The following GMDS variants were observed in gnomAD, a reference collection of about 807,000 sequenced individuals.
The protein encoded by GMDS is GDP-mannose 4,6 dehydratase.
In GMDS, 20 loss-of-function variants were observed where a neutral mutation model predicts 49.9. That is an observed-to-expected ratio of 0.40 (90% CI 0.28 to 0.58). GMDS has a LOEUF of 0.58. Among genes scored for constraint, GMDS ranks in the 20% least tolerant of loss-of-function variants. The pLI is 0.42. For synonymous variants in GMDS, 177 were observed against 178.6 expected, an observed-to-expected ratio of 0.99 and a Z score of 0.07; for missense variants, 362 against 481.4, an observed-to-expected ratio of 0.75 and a Z score of 2.32.
In GMDS at chr6:2,126,282, C is replaced by T. The variant is rs140215518; in HGVS notation, c.103-1551G>A. 8.5e-5 allele frequency among the ~76,000 whole-genome samples: 13 copies of T among 152,226 alleles called. No homozygotes were observed. The South Asian group carries it at 1.0e-3, about 12-fold the overall frequency. ...AGGGTCCCCATCCATCTCATTCAGACGAAAAGATAAAAATGGGAAGCTCCA... is the reference window on the plus strand; with the variant it reads ...AGGGTCCCCATCCATCTCATTCAGATGAAAAGATAAAAATGGGAAGCTCCA... On this transcript the variant is annotated intron_variant, in intron 1 of 10. Transcript: ENST00000380815.
chr6:2,175,910 T>C (rs1778262329), intron 1 of GMDS: 1 of 1,196,420 alleles, frequency 8.4e-7, no homozygotes, highest in Admixed American at 2.0e-5. Flanking sequence ...CCCCATTTTA[T>C]AAGGTAATAC....
chr6:2,059,828 G>T (rs1002348634), intron 4 of GMDS, among the ~76,000 whole-genome samples: 5 of 150,830 alleles, frequency 3.3e-5, no homozygotes, highest in African/African-American at 4.9e-5. Flanking sequence ...TTCTGACAGG[G>T]CGAAGCTCAG....
At chr6:1,676,090 G>A (rs891805277) in intron 9 of GMDS, among the ~76,000 whole-genome samples, 1 of 152,142 alleles carries the variant, frequency 6.6e-6, no homozygotes, top group African/African-American at 2.4e-5. Flanking sequence ...AAAGTCTCAG[G>A]ATACAAAATC....
chr6:1,811,938 C>T (rs1163951255), intron 7 of GMDS, among the ~76,000 whole-genome samples: 1 of 152,134 alleles, frequency 6.6e-6, no homozygotes, highest in Non-Finnish European at 1.5e-5. Context: ...ATTCATTTAA[C>T]CAATGTTCAT....
At chr6:1,805,674 C>T (rs1446525136) in intron 7 of GMDS, among the ~76,000 whole-genome samples, 1 of 152,144 alleles carries the variant, frequency 6.6e-6, no homozygotes, top group Non-Finnish European at 1.5e-5. Context: ...TGCCACTTTA[C>T]TAATATTTTT....
At chr6:1,954,818 T>C (rs1227558662) in intron 6 of GMDS, among the ~76,000 whole-genome samples, 1 of 152,160 alleles carries the variant, frequency 6.6e-6, no homozygotes, top group Non-Finnish European at 1.5e-5. Context: ...TGGCCTAATT[T>C]CAATATTGTT....
chr6:2,117,905 G>C (rs1032474623), intron 2 of GMDS, among the ~76,000 whole-genome samples: 1 of 152,098 alleles, frequency 6.6e-6, no homozygotes, highest in South Asian at 2.1e-4. Context: ...CAGACCATTC[G>C]AGGCCGTGTC....
chr6:1,853,426 G>A lies in GMDS; in HGVS notation c.771+76677C>T, dbSNP rs1036596544. On this transcript the variant is annotated intron_variant, in intron 7 of 10. Transcript: ENST00000380815. ...CCAGCTACTGGGGAGGCTGAGGCAG[G>A]AGAATGGCGTGAACCCGGGAGGCGG... Among the ~76,000 whole-genome samples, 48 of 144,422 alleles carry A rather than the reference G, an allele frequency of 3.3e-4. 4 individuals carry two copies. Among genetic ancestry groups the A allele is most frequent in the African/African-American group, 1.3e-3 (47 of 34,830 alleles). 94.7% of individuals were successfully genotyped at this position (144,422 alleles called of 152,430 possible). A position where few individuals can be genotyped will look rare whatever the true frequency, so the allele number is the denominator to read the frequency against.
chr6:2,065,234 A>G (rs1269037044), intron 4 of GMDS, among the ~76,000 whole-genome samples: 3 of 149,536 alleles, frequency 2.0e-5, no homozygotes, highest in Non-Finnish European at 4.5e-5. Context: ...AGGGAAAACT[A>G]ACAAACTGAA....
At chr6:2,017,324 CCT>C (rs910785147) in intron 4 of GMDS, among the ~76,000 whole-genome samples, 3 of 151,442 alleles carry the variant, frequency 2.0e-5, no homozygotes, top group East Asian at 1.9e-4. Context: ...TTTTTTTCCC[CCT>C]GAGACAGAGT....
intron 7 of GMDS, among the ~76,000 whole-genome samples, chr6:1,854,092 G>T (rs1417035095): frequency 7.2e-5 from 11 of 152,144 alleles, no homozygotes; most frequent in Non-Finnish European, 1.6e-4. Flanking sequence ...AATATCTCAG[G>T]TGTAAAAATT....
chr6:2,224,152 A>T (rs1254087919), intron 1 of GMDS, among the ~76,000 whole-genome samples: 1 of 152,228 alleles, frequency 6.6e-6, no homozygotes, highest in East Asian at 1.9e-4. Flanking sequence ...TGGGGAAAGC[A>T]ACCAAATATA....
intron 4 of GMDS, among the ~76,000 whole-genome samples, chr6:2,035,876 G>A (rs752495413): frequency 6.6e-5 from 10 of 151,972 alleles, no homozygotes; most frequent in Non-Finnish European, 1.5e-4. Flanking sequence ...TAGTAAAAAC[G>A]GGGTTTCACC....
intron 7 of GMDS, among the ~76,000 whole-genome samples, chr6:1,799,723 T>C (rs549748759): frequency 6.6e-6 from 1 of 152,284 alleles, no homozygotes; most frequent in African/African-American, 2.4e-5. Context: ...TATATGCATA[T>C]GCTACCCATT....
chr6:1,804,706 C>A (rs226461), intron 7 of GMDS, among the ~76,000 whole-genome samples: 7,652 of 151,984 alleles, frequency 0.05, 629 homozygotes, highest in African/African-American at 0.17. Flanking sequence ...AAACTCACTT[C>A]GAATCCTTAT....
intron 9 of GMDS, among the ~76,000 whole-genome samples, chr6:1,716,619 G>A (rs1581500265): frequency 6.6e-6 from 1 of 152,122 alleles, no homozygotes; most frequent in East Asian, 1.9e-4. Context: ...GCCAGGGCAG[G>A]GTGTGGTGAT....
chr6:1,624,211 C>T lies in GMDS; in HGVS notation c.1077G>A (p.Val359=), dbSNP rs1233267787. Residue 359 remains valine, a synonymous_variant, in exon 11 of 11, where the codon GTG becomes GTA. Transcript: ENST00000380815. Reference sequence around the variant, plus strand: ...TCCTCATGAGCTCCACGTCGGCGTGCACCATCTCCCTCACCAGCTCCTGCA... The same window carrying T: ...TCCTCATGAGCTCCACGTCGGCGTGTACCATCTCCCTCACCAGCTCCTGCA... ...VAFDELVREM[V]HADVELMRTN... The T allele has an allele frequency of 1.9e-6, 3 of 1,611,150 alleles. No homozygotes were observed. Among genetic ancestry groups the T allele is most frequent in the Admixed American group, 1.7e-5 (1 of 60,020 alleles).
chr6:1,729,992 G>A (rs879414177), intron 8 of GMDS, among the ~76,000 whole-genome samples: 3 of 151,876 alleles, frequency 2.0e-5, no homozygotes, highest in Admixed American at 2.0e-4. Context: ...GGGGGCGGGG[G>A]AACAACACAC....
intron 4 of GMDS, among the ~76,000 whole-genome samples, chr6:2,068,929 A>G (rs1172082673): frequency 6.6e-6 from 1 of 152,206 alleles, no homozygotes; most frequent in African/African-American, 2.4e-5. Context: ...TAAAGTTCAT[A>G]TGGAACCAAA....
Sources: allele counts gnomAD v4.1 joint callset (sites outside exome capture counted in the v4.1 genomes callset), GRCh38; gene constraint gnomAD v4.1.1; transcripts MANE v1.5; gene names NCBI Gene and HGNC (gene_info 2026-07-23, HGNC 2026-07-21).